Variants in TNRC6B observed in about 807,000 individuals in gnomAD.
TNRC6B encodes the protein trinucleotide repeat-containing gene 6B protein.
A neutral mutation model predicts 203.6 loss-of-function variants in TNRC6B; 52 were observed. The ratio of observed to expected loss-of-function variants is 0.26; its 90% CI spans 0.20 to 0.32. The LOEUF is 0.32. Among genes scored for constraint, TNRC6B ranks in the 10% least tolerant of loss-of-function variants. TNRC6B has a pLI of 1.00. For synonymous variants in TNRC6B, 838 were observed against 845.7 expected (o/e 0.99, Z 0.16); for missense variants, 1,923 against 2,286.2 (o/e 0.84, Z 3.24).
rs1025366102 is a variant in TNRC6B at position 40,323,714 on chromosome 22, A to AC, written c.*473_*474insC. 4.5e-5 allele frequency: 6 copies of AC among 133,938 alleles called. No individual in the cohort carries two copies. Among genetic ancestry groups the AC allele is most frequent in the African/African-American group, 1.6e-4 (6 of 36,392 alleles). 8.3% of individuals were successfully genotyped at this position (133,938 alleles called of 1,614,324 possible). A position where few individuals can be genotyped will look rare whatever the true frequency, so the allele number is the denominator to read the frequency against. On this transcript the variant is annotated 3_prime_UTR_variant, in exon 23 of 23. Transcript: ENST00000454349. ...CATGTTTGGGAGGGAGGGAAATTCA[A>AC]AAGAATTGTTGGGGGAGGGGGGAGG...
intron 1 of TNRC6B, among the ~76,000 whole-genome samples, chr22:40,203,306 C>T (rs1229564362): frequency 6.6e-6 from 1 of 152,100 alleles, no homozygotes; most frequent in Non-Finnish European, 1.5e-5. Flanking sequence ...AATGGATTCC[C>T]ACCAGGGTTG....
At chr22:40,050,167 C>T (rs977893802) in intron 1 of TNRC6B, among the ~76,000 whole-genome samples, 1 of 152,142 alleles carries the variant, frequency 6.6e-6, no homozygotes, top group Non-Finnish European at 1.5e-5. Flanking sequence ...CCCTTTGCTA[C>T]CAAGCCAGCC....
chr22:40,276,902 A>G (rs552033322), intron 7 of TNRC6B, 175 bp from the exon 8 acceptor site: 2 of 413,774 alleles, frequency 4.8e-6, no homozygotes, highest in South Asian at 1.0e-4. Context: ...AAACATAGAT[A>G]TAACTAGGGC....
intron 3 of TNRC6B, chr22:40,156,027 TGGTTCTGCACAGGGCAGGTGTG>T: frequency 8.2e-7 from 1 of 1,218,546 alleles, no homozygotes. Context: ...AACGGCCCTG[TGGTTCTGCACAGGGCAGGTGTG>T]GGTTCTTGGA....
At chr22:40,301,730 G>A (rs1283799754) in intron 15 of TNRC6B, among the ~76,000 whole-genome samples, 8 of 152,266 alleles carry the variant, frequency 5.3e-5, no homozygotes. Flanking sequence ...CCACTTTTCT[G>A]CTGAAATGGA....
At chr22:40,155,458 T>C (rs968068215) in intron 3 of TNRC6B, among the ~76,000 whole-genome samples, 1 of 152,128 alleles carries the variant, frequency 6.6e-6, no homozygotes. Context: ...CCAGCTAATT[T>C]TTGTATTTTT....
intron 1 of TNRC6B, among the ~76,000 whole-genome samples, chr22:40,208,111 CAAAAAAA>C (rs905832467): frequency 2.3e-4 from 17 of 74,984 alleles, no homozygotes; most frequent in East Asian, 2.1e-3. Context: ...GACTCCATCT[CAAAAAAA>C]AAAAAAAAAA....
intron 4 of TNRC6B, among the ~76,000 whole-genome samples, chr22:40,170,169 T>C (rs2146366034): frequency 6.7e-6 from 1 of 149,654 alleles, no homozygotes; most frequent in South Asian, 2.1e-4. Flanking sequence ...TCTCAGCTAC[T>C]TGGGAGGCTG....
In TNRC6B at chr22:40,143,195, C is replaced by T. The variant is rs548893557; in HGVS notation, c.46-12920C>T. ...CTATAATCCCAGCATTTTGGGAGGC[C>T]GGGGCGGGAGAATCACTTGAGGCCA... On this transcript the variant is annotated intron_variant, in intron 3 of 23. Transcript: ENST00000301923. Among the ~76,000 whole-genome samples, 6 of 152,200 alleles carry T rather than the reference C, an allele frequency of 3.9e-5. No individual in the cohort carries two copies. In the South Asian group the frequency reaches 1.0e-3, roughly 26 times the overall value.
At chr22:40,204,458 A>G (rs1246024988) in intron 1 of TNRC6B, among the ~76,000 whole-genome samples, 1 of 152,220 alleles carries the variant, frequency 6.6e-6, no homozygotes, top group African/African-American at 2.4e-5. Flanking sequence ...CAGAGTCCAG[A>G]CAGTGTACAT....
upstream of TNRC6B, among the ~76,000 whole-genome samples, chr22:40,174,870 T>C (rs904448429): frequency 6.6e-6 from 1 of 151,384 alleles, no homozygotes; most frequent in Non-Finnish European, 1.5e-5. Context: ...TACCTTACAA[T>C]AATATAATTT....
At chr22:40,106,764 C>A (rs1303796583) in intron 1 of TNRC6B, 2 of 797,708 alleles carry the variant, frequency 2.5e-6, no homozygotes, top group African/African-American at 3.4e-5. Flanking sequence ...TTTGGGCTTA[C>A]CCCATTGATA....
intron 4 of TNRC6B, among the ~76,000 whole-genome samples, chr22:40,166,538 A>G (rs1202938275): frequency 6.6e-6 from 1 of 152,024 alleles, no homozygotes; most frequent in African/African-American, 2.4e-5. Flanking sequence ...GTAGACCAAA[A>G]TATGTTTTTT....
chr22:40,075,137 CAT>C (rs200861275), intron 1 of TNRC6B, among the ~76,000 whole-genome samples: 34 of 59,790 alleles, frequency 5.7e-4, no homozygotes, highest in African/African-American at 1.3e-3. Context: ...TGGTTCTGTT[CAT>C]ATATATATAT....
intron 1 of TNRC6B, among the ~76,000 whole-genome samples, chr22:40,237,982 G>A (rs576667462): frequency 1.3e-5 from 2 of 151,952 alleles, no homozygotes; most frequent in Non-Finnish European, 2.9e-5. Flanking sequence ...TCAGTGCGTG[G>A]CATATCATAG....
Position 40,264,791 on chromosome 22 carries a change from G to T in TNRC6B, c.561G>T (p.Trp187Cys). 1.2e-6 allele frequency: 2 copies of T among 1,613,950 alleles called. No individual in the cohort carries two copies. The highest frequency in any genetic ancestry group is 1.7e-6 in the Non-Finnish European group (2 of 1,179,882). The stretch of plus-strand genomic sequence containing the variant: ...CCTCCCCCAACCCAATTCACATCTG[G>T]GACAAGGTGATTGTAGACGGGTCTG... ...NGTSPNPIHI[W>C]DKVIVDGSDM... is the part of the protein sequence containing the mutation. The change falls in exon 5 of 23, where the codon TGG becomes TGT. Residue 187 changes from tryptophan (W) to cysteine (C), a missense_variant. By Grantham distance (215) the Trp-to-Cys change is radical. Coordinates refer to ENST00000454349, the MANE Select transcript of TNRC6B (RefSeq NM_001162501.2).
chr22:40,075,806 A>G (rs955357362), intron 1 of TNRC6B, among the ~76,000 whole-genome samples: 5 of 152,160 alleles, frequency 3.3e-5, no homozygotes, highest in Admixed American at 6.5e-5. Context: ...GGCTTAAAAT[A>G]TGCATCTTTA....
chr22:40,268,792 G>A, intron 5 of TNRC6B, among the ~76,000 whole-genome samples: 1 of 151,936 alleles, frequency 6.6e-6, no homozygotes, highest in East Asian at 1.9e-4. Flanking sequence ...GGCACCTGTA[G>A]TCCCAGCTAC....
In TNRC6B at chr22:40,113,394, G is replaced by A. The variant is rs563730861; in HGVS notation, c.-120-3661G>A. 1.4e-4 allele frequency among the ~76,000 whole-genome samples: 21 copies of A among 152,252 alleles called. No homozygotes were observed. In the East Asian group the frequency reaches 4.1e-3, roughly 29 times the overall value. On this transcript the variant is annotated intron_variant, in intron 1 of 23. Coordinates refer to the TNRC6B transcript ENST00000301923. ...TTTTGAGACAAGGTCTGGCTCTGTTGCCCAGACTGGAGTGCAGTGGTGTGA... is the reference window on the plus strand; with the variant it reads ...TTTTGAGACAAGGTCTGGCTCTGTTACCCAGACTGGAGTGCAGTGGTGTGA...
Sources: gnomAD v4.1 joint callset for allele counts (sites outside exome capture counted in the v4.1 genomes callset) on GRCh38, gnomAD v4.1.1 for gene constraint, MANE v1.5 for transcripts, NCBI Gene and HGNC (gene_info 2026-07-23, HGNC 2026-07-21) for gene names.